The following SDK1 variants were observed in gnomAD, a reference collection of about 807,000 sequenced individuals.
The protein encoded by SDK1 is sidekick cell adhesion molecule 1, also known as protein sidekick-1.
In SDK1, 157 loss-of-function variants were observed where a neutral mutation model predicts 245.5. The ratio of observed to expected loss-of-function variants is 0.64; its 90% CI spans 0.56 to 0.73. SDK1 has a LOEUF of 0.73. Ranked by LOEUF, SDK1 falls within the 30% of genes least tolerant of loss-of-function variation. The pLI, the probability that SDK1 is intolerant of heterozygous loss-of-function variation, is 0.00. For synonymous variants in SDK1, 1,647 were observed against 1,278.5 expected (o/e 1.29, Z -6.15); for missense variants, 3,583 against 3,002.3 (o/e 1.19, Z -4.52).
At chr7:3,743,107 G>A (rs548676766) in intron 4 of SDK1, among the ~76,000 whole-genome samples, 32 of 152,172 alleles carry the variant, frequency 2.1e-4, no homozygotes, top group Non-Finnish European at 4.1e-4. Context: ...TCAGGAATGC[G>A]ATAGGCCTTG....
chr7:4,225,950 C>G (rs544726822), intron 40 of SDK1, among the ~76,000 whole-genome samples: 1 of 152,182 alleles, frequency 6.6e-6, no homozygotes, highest in East Asian at 1.9e-4. Context: ...GGCCGCGGGA[C>G]CCGTGTTCTT....
intron 1 of SDK1, among the ~76,000 whole-genome samples, chr7:3,521,820 T>C (rs1171555428): frequency 6.6e-6 from 1 of 152,142 alleles, no homozygotes; most frequent in Admixed American, 6.5e-5. Flanking sequence ...TTGTACAAGG[T>C]TTGGAGAGGC....
chr7:3,647,863 T>A (rs1782898441), intron 4 of SDK1, among the ~76,000 whole-genome samples: 1 of 152,038 alleles, frequency 6.6e-6, no homozygotes, highest in Non-Finnish European at 1.5e-5. Context: ...TCCACAGACA[T>A]CTTCAGCAGA....
At chr7:3,362,485 C>T (rs1281276839) in intron 1 of SDK1, among the ~76,000 whole-genome samples, 1 of 151,998 alleles carries the variant, frequency 6.6e-6, no homozygotes, top group Non-Finnish European at 1.5e-5. Context: ...TTGGATTTAC[C>T]ATATCTAAAG....
rs1218249454 is a variant in SDK1 at position 4,266,393 on chromosome 7, A to G, written c.*1009A>G. On this transcript the variant is annotated 3_prime_UTR_variant, in exon 45 of 45. Transcript: ENST00000404826. ...CAACAGTGTCTGCAAATAAAGCAAAACAGCTCTGAGAACACACGCTCCCGA... is the reference window on the plus strand; with the variant it reads ...CAACAGTGTCTGCAAATAAAGCAAAGCAGCTCTGAGAACACACGCTCCCGA... 1 of 985,220 alleles carries G rather than the reference A, an allele frequency of 1.0e-6. No homozygotes were observed. Among genetic ancestry groups the G allele is most frequent in the African/African-American group, 1.7e-5 (1 of 57,190 alleles). The allele number at this position is 985,220 out of a possible 1,614,324, so 61.0% of individuals were successfully genotyped here.
At chr7:3,425,319 C>G (rs1273409026) in intron 1 of SDK1, among the ~76,000 whole-genome samples, 2 of 152,074 alleles carry the variant, frequency 1.3e-5, no homozygotes, top group Non-Finnish European at 1.5e-5. Context: ...TTATGAATGA[C>G]TGGTATAAAT....
chr7:3,530,880 G>C (rs1413264800), intron 1 of SDK1, among the ~76,000 whole-genome samples: 1 of 152,052 alleles, frequency 6.6e-6, no homozygotes, highest in Non-Finnish European at 1.5e-5. Flanking sequence ...TAAAAACATT[G>C]TCCACAAGTA....
At chr7:3,566,300 C>T (rs1779915147) in intron 1 of SDK1, among the ~76,000 whole-genome samples, 1 of 150,142 alleles carries the variant, frequency 6.7e-6, no homozygotes, top group Admixed American at 6.6e-5. Flanking sequence ...TCTTGGCTCA[C>T]TGCAAGCTCC....
chr7:4,094,568 A>G (rs376841364), intron 22 of SDK1, among the ~76,000 whole-genome samples: 9 of 152,336 alleles, frequency 5.9e-5, no homozygotes, highest in African/African-American at 2.2e-4. Context: ...GACTCAGGAA[A>G]GAAGCAAGAT....
intron 1 of SDK1, among the ~76,000 whole-genome samples, chr7:3,541,181 T>C (rs1022859415): frequency 6.6e-6 from 1 of 152,250 alleles, no homozygotes; most frequent in African/African-American, 2.4e-5. Flanking sequence ...TCTAAGGCAG[T>C]GGACTCATGG....
At chr7:3,734,458 G>T (rs951837492) in intron 4 of SDK1, among the ~76,000 whole-genome samples, 1 of 152,106 alleles carries the variant, frequency 6.6e-6, no homozygotes, top group South Asian at 2.1e-4. Context: ...CTTATAGATG[G>T]TGTTAAGAAT....
At chr7:3,686,800 TTTAG>T (rs1784296944) in intron 4 of SDK1, among the ~76,000 whole-genome samples, 1 of 152,026 alleles carries the variant, frequency 6.6e-6, no homozygotes, top group Non-Finnish European at 1.5e-5. Context: ...ATGGAAAGCA[TTTAG>T]TTAATTTTCT....
intron 5 of SDK1, among the ~76,000 whole-genome samples, chr7:3,824,638 G>C (rs949532452): frequency 3.3e-5 from 5 of 152,198 alleles, no homozygotes; most frequent in African/African-American, 4.8e-5. Flanking sequence ...CTGTCACCCA[G>C]CTAACAGGAG....
At chr7:3,379,447 C>T (rs1781432317) in intron 1 of SDK1, among the ~76,000 whole-genome samples, 1 of 152,228 alleles carries the variant, frequency 6.6e-6, no homozygotes, top group Admixed American at 6.5e-5. Context: ...AGGAGTGACT[C>T]AGTGACCGGG....
rs73043773 is a variant in SDK1, at chr7:3,679,697, A to G, written c.713+37592A>G. On this transcript the variant is annotated intron_variant, in intron 4 of 44. Coordinates refer to ENST00000404826, the MANE Select transcript of SDK1 (RefSeq NM_152744.4). Reference sequence around the variant, plus strand: ...TAGGAAAGCGCACTTTCAAACCACAATGAGATTTCACTTCCTACCTATCAG... The same window carrying G: ...TAGGAAAGCGCACTTTCAAACCACAGTGAGATTTCACTTCCTACCTATCAG... 1.7e-3 allele frequency among the ~76,000 whole-genome samples: 257 copies of G among 152,344 alleles called. 2 individuals carry two copies. Among genetic ancestry groups the G allele is most frequent in the South Asian group, 0.016 (78 of 4,830 alleles).
rs60437983 is a variant in SDK1 at position 3,454,388 on chromosome 7, TTGTG to T, written c.298+152537_298+152540del. Among the ~76,000 whole-genome samples the T allele has an allele frequency of 1.4e-3, 197 of 141,782 alleles. 1 individual carries two copies. Among genetic ancestry groups the T allele is most frequent in the South Asian group, 4.1e-3 (17 of 4,188 alleles). 93.0% of individuals were successfully genotyped at this position (141,782 alleles called of 152,430 possible). ...TCGATTTTTTCGTGTTCCCCAAGAT[TTGTG>T]TGTGTGTGTGTGTGTGTGTGTGTGT... On this transcript the variant is annotated intron_variant, in intron 1 of 44. Transcript: ENST00000404826.
At chr7:3,491,282 G>T (rs1205045869) in intron 1 of SDK1, among the ~76,000 whole-genome samples, 1 of 152,164 alleles carries the variant, frequency 6.6e-6, no homozygotes, top group African/African-American at 2.4e-5. Context: ...TCACCTGAGG[G>T]TGCTTTAAAG....
chr7:3,578,239 C>A (rs764891325), intron 1 of SDK1, among the ~76,000 whole-genome samples: 10 of 151,896 alleles, frequency 6.6e-5, no homozygotes, highest in Non-Finnish European at 1.3e-4. Flanking sequence ...AGCCGCAAAA[C>A]CAGCAAGTTT....
chr7:3,812,027 C>T (rs1052520889), intron 4 of SDK1, among the ~76,000 whole-genome samples: 1 of 152,196 alleles, frequency 6.6e-6, no homozygotes. Context: ...CTTCATACTG[C>T]CATCATTTAT....
Sources: gnomAD v4.1 joint callset for allele counts (sites outside exome capture counted in the v4.1 genomes callset) on GRCh38, gnomAD v4.1.1 for gene constraint, MANE v1.5 for transcripts, NCBI Gene and HGNC (gene_info 2026-07-23, HGNC 2026-07-21) for gene names.